The following MCTP1 variants were observed in gnomAD, a reference collection of about 807,000 sequenced individuals.
MCTP1 encodes multiple C2 and transmembrane domain containing 1.
MCTP1 carries 69 observed loss-of-function variants against 120.6 expected under a neutral mutation model. That is an observed-to-expected ratio of 0.57 (90% confidence interval 0.47 to 0.70). The LOEUF is 0.70. Among genes scored for constraint, MCTP1 ranks in the 30% least tolerant of loss-of-function variants. The probability of loss-of-function intolerance (pLI) is 0.00; values close to 1 mark genes in which losing one functional copy is unlikely to be tolerated. For missense variants in MCTP1, 1,203 were observed against 1,248.8 expected (o/e 0.96, Z 0.55); for synonymous variants, 529 against 493.1 (o/e 1.07, Z -0.96).
chr5:95,264,434 C>G (rs750362143), intron 1 of MCTP1, among the ~76,000 whole-genome samples: 4 of 152,168 alleles, frequency 2.6e-5, no homozygotes, highest in Non-Finnish European at 5.9e-5. Context: ...AAACAGTCTC[C>G]CTCTCCAAGG....
chr5:95,165,645 C>G (rs1036233852), intron 1 of MCTP1, among the ~76,000 whole-genome samples: 2 of 152,302 alleles, frequency 1.3e-5, no homozygotes, highest in Middle Eastern at 3.4e-3. Context: ...CTCCCTCAAT[C>G]TGGGATATAA....
At chr5:95,236,176 A>G (rs569097619) in intron 1 of MCTP1, among the ~76,000 whole-genome samples, 24 of 152,310 alleles carry the variant, frequency 1.6e-4, no homozygotes, top group Non-Finnish European at 3.2e-4. Context: ...TTTTAATACA[A>G]TTCTTAACTA....
chr5:94,825,598 T>G (rs1428458667), intron 17 of MCTP1, among the ~76,000 whole-genome samples: 1 of 152,164 alleles, frequency 6.6e-6, no homozygotes, highest in Admixed American at 6.5e-5. Flanking sequence ...ACATCCCTGT[T>G]AATTTTCTGT....
chr5:95,145,694 A>T (rs1217983829), intron 1 of MCTP1, among the ~76,000 whole-genome samples: 5 of 152,148 alleles, frequency 3.3e-5, no homozygotes, highest in African/African-American at 1.2e-4. Context: ...AATCACATTT[A>T]TTGGTTTGCA....
chr5:95,185,338 T>C (rs918056269), intron 1 of MCTP1, among the ~76,000 whole-genome samples: 1 of 152,242 alleles, frequency 6.6e-6, no homozygotes, highest in African/African-American at 2.4e-5. Flanking sequence ...ATGACCAAGT[T>C]TGTATTTGTT....
intron 1 of MCTP1, among the ~76,000 whole-genome samples, chr5:95,196,044 T>C (rs943023205): frequency 6.6e-6 from 1 of 152,174 alleles, no homozygotes; most frequent in African/African-American, 2.4e-5. Context: ...ACCACTGAGC[T>C]TAGTATGCCA....
chr5:95,106,470 T>C (rs1396912083), intron 1 of MCTP1, among the ~76,000 whole-genome samples: 1 of 152,210 alleles, frequency 6.6e-6, no homozygotes, highest in African/African-American at 2.4e-5. Context: ...GGGGAGACCC[T>C]TGGATCCTGT....
chr5:95,115,347 A>G (rs961879084), intron 1 of MCTP1, among the ~76,000 whole-genome samples: 2 of 152,152 alleles, frequency 1.3e-5, no homozygotes, highest in Non-Finnish European at 2.9e-5. Context: ...AGAATCAAAA[A>G]TAGCTGTCTT....
At chr5:94,725,510 G>C (rs1406828024) in intron 19 of MCTP1, among the ~76,000 whole-genome samples, 1 of 152,136 alleles carries the variant, frequency 6.6e-6, no homozygotes, top group Admixed American at 6.5e-5. Context: ...AAAAGTTGTA[G>C]GATGTACGTT....
At chr5:95,131,085 G>C (rs1283399381) in intron 1 of MCTP1, among the ~76,000 whole-genome samples, 1 of 152,124 alleles carries the variant, frequency 6.6e-6, no homozygotes, top group East Asian at 1.9e-4. Flanking sequence ...CAATGTCGCT[G>C]TCCATCATTT....
chr5:94,773,052 G>A (rs1774440244), intron 19 of MCTP1, among the ~76,000 whole-genome samples: 1 of 152,174 alleles, frequency 6.6e-6, no homozygotes, highest in Admixed American at 6.6e-5. Flanking sequence ...CGGACTCAAA[G>A]TGAGTGGGCT....
chr5:94,747,326 T>C (rs543559450), intron 19 of MCTP1, among the ~76,000 whole-genome samples: 2 of 152,368 alleles, frequency 1.3e-5, no homozygotes, highest in Non-Finnish European at 2.9e-5. Context: ...AGAACCATCA[T>C]TTAATCCTCA....
chr5:95,150,591 C>T (rs60211225), intron 1 of MCTP1, among the ~76,000 whole-genome samples: 25 of 152,178 alleles, frequency 1.6e-4, no homozygotes, highest in African/African-American at 5.1e-4. Flanking sequence ...GAATACATTT[C>T]GTATCTTTCT....
chr5:95,282,284 C>A (rs1366728837), intron 1 of MCTP1, among the ~76,000 whole-genome samples: 1 of 152,046 alleles, frequency 6.6e-6, no homozygotes, highest in Non-Finnish European at 1.5e-5. Context: ...TCAGAGTTAT[C>A]TATTTTTGCT....
rs866004383 is a variant in MCTP1, at chr5:95,201,510, T to G, written c.720+82346A>C. 2.8e-3 allele frequency among the ~76,000 whole-genome samples: 160 copies of G among 57,078 alleles called. 3 individuals are homozygous for G. In the South Asian group the frequency reaches 0.029, roughly 10 times the overall value. The allele number at this position is 57,078 out of a possible 152,430, so 37.4% of individuals were successfully genotyped here. ...TTTTTTTTTTTTTTTTTTTTTTTTT[T>G]TTTTTTTTTTTTGAGACAGAGTCTC... On this transcript the variant is annotated intron_variant, in intron 1 of 22. Coordinates refer to ENST00000515393, the MANE Select transcript of MCTP1 (RefSeq NM_024717.7).
intron 10 of MCTP1, among the ~76,000 whole-genome samples, chr5:94,908,892 G>C (rs1379653846): frequency 6.6e-6 from 1 of 152,036 alleles, no homozygotes; most frequent in African/African-American, 2.4e-5. Context: ...TACGGTGATA[G>C]TATGCTTTAT....
At chr5:94,834,738 C>T (rs1580938435) in intron 17 of MCTP1, among the ~76,000 whole-genome samples, 1 of 151,620 alleles carries the variant, frequency 6.6e-6, no homozygotes, top group African/African-American at 2.4e-5. Flanking sequence ...CCACAATAAC[C>T]TATCTCAGAA....
intron 18 of MCTP1, 40 bp from the exon 19 acceptor site, chr5:94,779,203 G>C: frequency 6.4e-7 from 1 of 1,563,878 alleles, no homozygotes; most frequent in Non-Finnish European, 8.8e-7. Context: ...TGCTCTTAAA[G>C]GAGAGAATTT....
chr5:94,933,461 G>C (rs1408588667), intron 5 of MCTP1, among the ~76,000 whole-genome samples: 1 of 151,464 alleles, frequency 6.6e-6, no homozygotes, highest in East Asian at 1.9e-4. Context: ...TATTTAAGTG[G>C]TATACCATAT....
Sources: gnomAD v4.1 joint callset for allele counts (sites outside exome capture counted in the v4.1 genomes callset) on GRCh38, gnomAD v4.1.1 for gene constraint, MANE v1.5 for transcripts, NCBI Gene and HGNC (gene_info 2026-07-23, HGNC 2026-07-21) for gene names.